AGR3: variants seen among roughly 807,000 people sequenced by gnomAD.
AGR3 encodes the protein anterior gradient protein 3.
Under a neutral mutation model 24.5 loss-of-function variants are expected in AGR3, and 37 were observed. The observed-to-expected ratio is 1.51, with a 90% CI of 1.16 to 1.99. AGR3 has a LOEUF of 1.99. AGR3 is among the 30% of genes most tolerant of loss of function. The probability of loss-of-function intolerance (pLI) is 0.00; values close to 1 mark genes in which losing one functional copy is unlikely to be tolerated. For synonymous variants in AGR3, 75 were observed against 61.6 expected (o/e 1.22, Z -1.02); for missense variants, 228 against 191.1 (o/e 1.19, Z -1.14).
intron 3 of AGR3, chr7:16,864,729 C>A (rs1443501321): frequency 8.8e-6 from 13 of 1,474,000 alleles, no homozygotes; most frequent in South Asian, 3.4e-5. Flanking sequence ...GAAACCACTG[C>A]GGTGTGTGCG....
At chr7:16,863,918 T>A (rs1267563225) in intron 3 of AGR3, among the ~76,000 whole-genome samples, 1 of 152,146 alleles carries the variant, frequency 6.6e-6, no homozygotes, top group Non-Finnish European at 1.5e-5. Context: ...CTTGTATAGT[T>A]CATATTTACA....
chr7:16,877,244 T>C (rs1782001337), intron 2 of AGR3, among the ~76,000 whole-genome samples: 2 of 147,418 alleles, frequency 1.4e-5, no homozygotes, highest in African/African-American at 4.9e-5. Context: ...TATTTATATA[T>C]AATTTATTAT....
chr7:16,873,252 C>T (rs113900213), intron 3 of AGR3, among the ~76,000 whole-genome samples: 6 of 152,204 alleles, frequency 3.9e-5, no homozygotes, highest in African/African-American at 1.2e-4. Context: ...CAGTGGACTA[C>T]TACCCAGACA....
At chr7:16,868,053 C>A (rs1288689658) in intron 3 of AGR3, among the ~76,000 whole-genome samples, 1 of 152,044 alleles carries the variant, frequency 6.6e-6, no homozygotes, top group Non-Finnish European at 1.5e-5. Flanking sequence ...TTGATAATAG[C>A]CTTTCTAAAA....
intron 3 of AGR3, chr7:16,864,159 A>C: frequency 1.6e-6 from 1 of 639,820 alleles, no homozygotes; most frequent in Non-Finnish European, 2.5e-6. Context: ...AGAATTAACA[A>C]ACTGTTGTGT....
chr7:16,864,203 G>A (rs1472501732), intron 3 of AGR3: 10 of 983,708 alleles, frequency 1.0e-5, no homozygotes, highest in Non-Finnish European at 1.5e-5. Flanking sequence ...CTCTGCTGAA[G>A]TACCACTGAA....
chr7:16,864,256 G>C, intron 3 of AGR3: 3 of 1,305,598 alleles, frequency 2.3e-6, no homozygotes, highest in East Asian at 4.7e-5. Context: ...TGATTAGCAG[G>C]CTGGCTTCTA....
chr7:16,859,508 T>C lies in AGR3; in HGVS notation c.*74A>G. The C allele has an allele frequency of 1.0e-6, 1 of 953,358 alleles. No homozygotes were observed. The highest frequency in any genetic ancestry group is 1.6e-6 in the Non-Finnish European group (1 of 626,688). The allele number at this position is 953,358 out of a possible 1,614,324, so 59.1% of individuals were successfully genotyped here. On this transcript the variant is annotated 3_prime_UTR_variant, in exon 8 of 8. Transcript: ENST00000310398. ...AAAATCTATATACTTGCACATTTAG[T>C]ATTTGTCAATGTGCCAGAGGTTTTC...
intron 3 of AGR3, among the ~76,000 whole-genome samples, chr7:16,867,157 T>A (rs1295415782): frequency 6.6e-6 from 1 of 152,200 alleles, no homozygotes; most frequent in East Asian, 1.9e-4. Context: ...AGCACCTTAA[T>A]GATTTAATTT....
chr7:16,867,284 C>A (rs1262008957), intron 3 of AGR3, among the ~76,000 whole-genome samples: 1 of 151,960 alleles, frequency 6.6e-6, no homozygotes, highest in Non-Finnish European at 1.5e-5. Context: ...AATCTGTCTC[C>A]CCTATTCCTG....
Position 16,864,477 on chromosome 7 carries a change from AG to A in AGR3, c.174-1816del. ...TAAGCTGGGCTTCATCTCCACTGTCAGGGTCGATCATTCCATGTTCCCTGTC... is the reference window on the plus strand; with the variant it reads ...TAAGCTGGGCTTCATCTCCACTGTCAGGTCGATCATTCCATGTTCCCTGTC... On this transcript the variant is annotated intron_variant, in intron 3 of 7. Transcript: ENST00000310398. 4 of 1,268,320 alleles carry A rather than the reference AG, an allele frequency of 3.2e-6. No homozygotes were observed. The Admixed American group carries it at 6.7e-5, about 21-fold the overall frequency. 78.6% of individuals were successfully genotyped at this position (1,268,320 alleles called of 1,614,324 possible).
chr7:16,861,887 C>T (rs543398043), intron 5 of AGR3, 97 bp downstream of exon 5: 18 of 1,084,206 alleles, frequency 1.7e-5, no homozygotes, highest in Middle Eastern at 2.9e-4. Flanking sequence ...GGTGACAGAG[C>T]GAGACTCTGT....
chr7:16,859,218 T>A (rs1562543416), downstream of AGR3, among the ~76,000 whole-genome samples: 1 of 145,920 alleles, frequency 6.9e-6, no homozygotes. Flanking sequence ...GGCAACATAG[T>A]GAGACTGCAT....
chr7:16,877,508 A>G (rs1782009127), intron 2 of AGR3, among the ~76,000 whole-genome samples: 1 of 151,830 alleles, frequency 6.6e-6, no homozygotes. Flanking sequence ...TTGAATAGCT[A>G]TATGGGGACA....
chr7:16,866,409 G>C (rs1781759982), intron 3 of AGR3: 2 of 274,328 alleles, frequency 7.3e-6, no homozygotes, highest in Non-Finnish European at 1.6e-5. Flanking sequence ...GAAGATGCCA[G>C]GTTCCTGAAA....
At chr7:16,877,297 A>G (rs1282490045) in intron 2 of AGR3, among the ~76,000 whole-genome samples, 1 of 103,914 alleles carries the variant, frequency 9.6e-6, no homozygotes, top group Admixed American at 1.1e-4. Context: ...TATATATAAT[A>G]TATAGTATAT....
chr7:16,861,197 T>C (rs977751681), intron 6 of AGR3, among the ~76,000 whole-genome samples, 187 bp downstream of exon 6: 21 of 152,174 alleles, frequency 1.4e-4, no homozygotes, highest in African/African-American at 5.1e-4. Context: ...TTTGAAAAAA[T>C]ATTTAAAATT....
At chr7:16,855,664 A>C (rs1172551202), downstream of AGR3, among the ~76,000 whole-genome samples, 1 of 152,212 alleles carries the variant, frequency 6.6e-6, no homozygotes, top group East Asian at 1.9e-4. Flanking sequence ...CAAAAAACAA[A>C]TTTTAAAAGA....
At position 16,861,485 on chromosome 7, in the gene AGR3, C is replaced by T. The variant is rs553223756; in HGVS notation, c.304-38G>A. The T allele has an allele frequency of 3.9e-6, 6 of 1,544,004 alleles. No individual in the cohort carries two copies. The East Asian group carries it at 6.8e-5, about 17-fold the overall frequency. ...GAAAAAAAAAGAATGTTATTGGATTCATTTGTTTTTGATAGTTTCAAGATG... is the reference window on the plus strand; with the variant it reads ...GAAAAAAAAAGAATGTTATTGGATTTATTTGTTTTTGATAGTTTCAAGATG... On this transcript the variant is annotated intron_variant, in intron 5 of 7. Coordinates refer to ENST00000310398, the MANE Select transcript of AGR3 (RefSeq NM_176813.5).
Sources: allele counts gnomAD v4.1 joint callset (sites outside exome capture counted in the v4.1 genomes callset), GRCh38; gene constraint gnomAD v4.1.1; transcripts MANE v1.5; gene names NCBI Gene and HGNC (gene_info 2026-07-23, HGNC 2026-07-21).